The following DENND1A variants were observed in gnomAD, a reference collection of about 807,000 sequenced individuals.
DENND1A encodes DENN domain containing 1A.
DENND1A carries 51 observed loss-of-function variants against 113.7 expected under a neutral mutation model. The ratio of observed to expected loss-of-function variants is 0.45; its 90% CI spans 0.36 to 0.57. The LOEUF is 0.57. DENND1A is among the 20% of genes least tolerant of loss of function. DENND1A has a pLI of 0.00. For synonymous variants in DENND1A, 565 were observed against 570.8 expected (o/e 0.99, Z 0.14); for missense variants, 1,258 against 1,395.9 (o/e 0.90, Z 1.57).
At chr9:123,792,450 G>A (rs985854854) in intron 3 of DENND1A, 137 bp downstream of exon 3, 1 of 860,010 alleles carries the variant, frequency 1.2e-6, no homozygotes, top group Non-Finnish European at 1.7e-6. Context: ...TTTACTTTTT[G>A]TCTTTGGTTC....
intron 3 of DENND1A, among the ~76,000 whole-genome samples, chr9:123,777,335 T>G (rs1427447973): frequency 6.6e-6 from 1 of 152,222 alleles, no homozygotes; most frequent in East Asian, 1.9e-4. Context: ...ATAGTTGGGA[T>G]TAGTCGAGCT....
chr9:123,780,187 A>G (rs1338799559), intron 3 of DENND1A, among the ~76,000 whole-genome samples: 1 of 152,020 alleles, frequency 6.6e-6, no homozygotes, highest in Non-Finnish European at 1.5e-5. Context: ...CGTCCACCCC[A>G]CATGTTCCGG....
At chr9:123,428,886 A>C (rs1018353321) in intron 19 of DENND1A, among the ~76,000 whole-genome samples, 1 of 152,230 alleles carries the variant, frequency 6.6e-6, no homozygotes, top group African/African-American at 2.4e-5. Flanking sequence ...TCAAGGAAAT[A>C]AGAGAGGACA....
At chr9:123,467,771 T>G (rs2049077181) in intron 13 of DENND1A, among the ~76,000 whole-genome samples, 1 of 152,116 alleles carries the variant, frequency 6.6e-6, no homozygotes, top group South Asian at 2.1e-4. Context: ...ACTGCACAGG[T>G]CCATGCAGGT....
Position 123,381,606 on chromosome 9 carries a change from G to T in DENND1A, c.3039C>A (p.Pro1013=), listed in dbSNP as rs1484750277. 2.5e-6 allele frequency: 4 copies of T among 1,613,102 alleles called. No individual in the cohort carries two copies. Among genetic ancestry groups the T allele is most frequent in the Non-Finnish European group, 3.4e-6 (4 of 1,179,814 alleles). The change falls in exon 24 of 24, where the codon CCC becomes CCA. Residue 1013 remains proline (P), a synonymous_variant. Transcript: ENST00000394215. This position sits in a 1 kb window ranked among gnomAD's most constrained non-coding sequence, Gnocchi z 4.7. The part of the protein sequence containing the change: ...LRPGDPPLLP[P]RPPQGLEPTL... ...TTGGCTCCAGGCCTTGAGGGGGCCT[G>T]GGAGGCAGAAGCGGGGGGTCTCCAG...
intron 1 of DENND1A, among the ~76,000 whole-genome samples, 178 bp from the exon 2 acceptor site, chr9:123,879,199 G>A (rs1428100264): frequency 6.6e-6 from 1 of 152,078 alleles, no homozygotes; most frequent in African/African-American, 2.4e-5. Context: ...ACTACAAAAT[G>A]AAAACACTTA....
intron 13 of DENND1A, among the ~76,000 whole-genome samples, chr9:123,514,360 T>C (rs1588929302): frequency 6.6e-6 from 1 of 151,120 alleles, no homozygotes; most frequent in South Asian, 2.1e-4. Flanking sequence ...GTGGAGGTGG[T>C]GGGTTGGCAT....
chr9:123,471,177 G>A (rs1202235133), intron 13 of DENND1A, among the ~76,000 whole-genome samples: 1 of 152,234 alleles, frequency 6.6e-6, no homozygotes, highest in Non-Finnish European at 1.5e-5. Context: ...ACGATGCACA[G>A]TGCATGATGG....
Position 123,382,541 on chromosome 9 carries a change from G to A in DENND1A, c.2104C>T (p.Leu702=), listed in dbSNP as rs1258958950. 6.8e-6 allele frequency: 11 copies of A among 1,614,022 alleles called. No homozygotes were observed. Among genetic ancestry groups the A allele is most frequent in the African/African-American group, 2.7e-5 (2 of 74,940 alleles). ...GGGATGGCCATGTCGTCCTGGCCCA[G>A]GCTCCAGAGCTTGTTGTACGGGTGG... ...LTHPYNKLWS[L]GQDDMAIPSK... The change falls in exon 24 of 24, where the codon CTG becomes TTG. Residue 702 remains leucine (L), a synonymous_variant. Coordinates refer to ENST00000394215, the MANE Select transcript of DENND1A (RefSeq NM_001352964.2).
chr9:123,408,686 G>C (rs1170681507), intron 20 of DENND1A, among the ~76,000 whole-genome samples: 1 of 152,216 alleles, frequency 6.6e-6, no homozygotes. Context: ...CGCCAGGCTA[G>C]TCACCTCCTG....
chr9:123,896,110 T>TA (rs1850711096), intron 1 of DENND1A, among the ~76,000 whole-genome samples: 2 of 152,082 alleles, frequency 1.3e-5, no homozygotes, highest in South Asian at 4.2e-4. Context: ...CCAGCCTGGT[T>TA]AGCAGAGCAA....
chr9:123,880,619 G>A (rs1462244383), intron 1 of DENND1A, among the ~76,000 whole-genome samples: 4 of 152,098 alleles, frequency 2.6e-5, no homozygotes, highest in African/African-American at 7.2e-5. Flanking sequence ...TTTCAAAATA[G>A]CAATCTCAGT....
At chr9:123,810,822 A>C (rs1267396321) in intron 2 of DENND1A, among the ~76,000 whole-genome samples, 1 of 149,698 alleles carries the variant, frequency 6.7e-6, no homozygotes, top group East Asian at 2.0e-4. Flanking sequence ...GCAGTGGTGC[A>C]ATCTTGGCTC....
intron 2 of DENND1A, among the ~76,000 whole-genome samples, chr9:123,835,093 A>G (rs1840847225): frequency 1.3e-5 from 2 of 151,958 alleles, no homozygotes; most frequent in Non-Finnish European, 2.9e-5. Context: ...TCCCTCTAAA[A>G]TAACTTGCTT....
At chr9:123,434,824 G>C (rs966175673) in intron 19 of DENND1A, among the ~76,000 whole-genome samples, 1 of 152,182 alleles carries the variant, frequency 6.6e-6, no homozygotes, top group Admixed American at 6.5e-5. Context: ...CTTACAGTAA[G>C]TGCATGCTTA....
chr9:123,400,901 G>A (rs2043410052), intron 21 of DENND1A: 1 of 152,184 alleles, frequency 6.6e-6, no homozygotes, highest in African/African-American at 2.4e-5. Flanking sequence ...AAGTCAGGAG[G>A]AATGAATCTC....
At chr9:123,800,881 C>A (rs1834535296) in intron 2 of DENND1A, among the ~76,000 whole-genome samples, 1 of 152,104 alleles carries the variant, frequency 6.6e-6, no homozygotes, top group South Asian at 2.1e-4. Context: ...TAAATAAAAA[C>A]ACAGAGAAAA....
Position 123,679,605 on chromosome 9 carries a change from G to A in DENND1A, c.303-2816C>T, listed in dbSNP as rs529976975. ...ATGGCAGTGTTAAGGTTTTGAAACC[G>A]AAACCCAGCTGTCTTCTTCTTCAAA... On this transcript the variant is annotated intron_variant, in intron 5 of 23. Transcript: ENST00000394215. Among the ~76,000 whole-genome samples, 4 of 152,284 alleles carry A rather than the reference G, an allele frequency of 2.6e-5. No homozygotes were observed. The South Asian group carries it at 6.2e-4, about 24-fold the overall frequency.
chr9:123,691,104 G>A (rs778983901), intron 5 of DENND1A, among the ~76,000 whole-genome samples: 1 of 152,106 alleles, frequency 6.6e-6, no homozygotes, highest in African/African-American at 2.4e-5. Context: ...TAAATGGGGG[G>A]GTCAGAAGCT....
Sources: allele counts gnomAD v4.1 joint callset (sites outside exome capture counted in the v4.1 genomes callset), GRCh38; gene constraint gnomAD v4.1.1; non-coding constraint Gnocchi (gnomAD v3.1); transcripts MANE v1.5; gene names NCBI Gene and HGNC (gene_info 2026-07-23, HGNC 2026-07-21).